Variants in THRAP3 observed in about 807,000 individuals in gnomAD.
THRAP3 encodes the protein thyroid hormone receptor-associated protein 3.
Under a neutral mutation model 101.0 loss-of-function variants are expected in THRAP3, and 16 were observed. The observed-to-expected ratio is 0.16, with a 90% CI of 0.11 to 0.24. The LOEUF is 0.24. Ranked by LOEUF, THRAP3 falls within the 10% of genes least tolerant of loss-of-function variation. The pLI is 1.00. For missense variants in THRAP3, 989 were observed against 1,202.7 expected (o/e 0.82, Z 2.63); for synonymous variants, 407 against 422.6 (o/e 0.96, Z 0.45).
chr1:36,248,877 C>T (rs1557816507), intron 1 of THRAP3, among the ~76,000 whole-genome samples: 1 of 151,848 alleles, frequency 6.6e-6, no homozygotes, highest in African/African-American at 2.4e-5. Flanking sequence ...AAATATAAGG[C>T]ACAGTCCCTA....
intron 7 of THRAP3, among the ~76,000 whole-genome samples, chr1:36,293,028 C>CTTT (rs71053920): frequency 1.2e-5 from 1 of 82,798 alleles, no homozygotes; most frequent in Non-Finnish European, 2.2e-5. Context: ...CTTTTCTTGT[C>CTTT]TTTTTTTTTT....
chr1:36,276,956 T>C (rs1286971568), intron 2 of THRAP3, among the ~76,000 whole-genome samples: 1 of 152,168 alleles, frequency 6.6e-6, no homozygotes, highest in Non-Finnish European at 1.5e-5. Flanking sequence ...ATCCACACTT[T>C]TTTTAATTTT....
chr1:36,231,162 C>G lies in THRAP3; in HGVS notation c.-135+6657C>G, dbSNP rs1220447005. Among the ~76,000 whole-genome samples, 4 of 150,964 alleles carry G rather than the reference C, an allele frequency of 2.6e-5. No homozygotes were observed. The South Asian group carries it at 6.2e-4, about 24-fold the overall frequency. On this transcript the variant is annotated intron_variant, in intron 1 of 11. Coordinates refer to ENST00000354618, the MANE Select transcript of THRAP3 (RefSeq NM_005119.4). Reference sequence around the variant, plus strand: ...TTACATTATCATTGACCTTTTTTTTCTGTCTTGGTACCTTATATCCTTCGT... The same window carrying G: ...TTACATTATCATTGACCTTTTTTTTGTGTCTTGGTACCTTATATCCTTCGT...
intron 1 of THRAP3, among the ~76,000 whole-genome samples, chr1:36,255,048 T>C (rs1645355311): frequency 6.6e-6 from 1 of 152,210 alleles, no homozygotes; most frequent in Non-Finnish European, 1.5e-5. Flanking sequence ...TGGTAAAAAC[T>C]AAAGGTTTAT....
intron 2 of THRAP3, among the ~76,000 whole-genome samples, chr1:36,260,449 T>G (rs1645430846): frequency 6.6e-6 from 1 of 152,122 alleles, no homozygotes; most frequent in Admixed American, 6.6e-5. Context: ...TTACAGTGTT[T>G]GTTATTATTT....
chr1:36,230,037 C>T (rs1383467484), intron 1 of THRAP3, among the ~76,000 whole-genome samples: 3 of 149,368 alleles, frequency 2.0e-5, no homozygotes, highest in Non-Finnish European at 3.0e-5. Flanking sequence ...TCACTGCAAC[C>T]TCCACCTCCT....
At chr1:36,227,534 G>A (rs547758955) in intron 1 of THRAP3, among the ~76,000 whole-genome samples, 3 of 152,076 alleles carry the variant, frequency 2.0e-5, no homozygotes, top group Admixed American at 2.0e-4. Context: ...CGCCTGCCTC[G>A]GCCTCCCAAA....
rs1407101605 is a variant in THRAP3, at chr1:36,304,843, T to C, written c.*826T>C. The C allele has an allele frequency of 9.7e-6, 2 of 206,736 alleles. No individual in the cohort carries two copies. Among genetic ancestry groups the C allele is most frequent in the African/African-American group, 4.6e-5 (2 of 43,860 alleles). The allele number at this position is 206,736 out of a possible 1,614,324, so 12.8% of individuals were successfully genotyped here. On this transcript the variant is annotated 3_prime_UTR_variant, in exon 12 of 12. Coordinates refer to ENST00000354618, the MANE Select transcript of THRAP3 (RefSeq NM_005119.4). ...GGGGTGGAAACTGGAGGGCAGTGTCTGGTCTGTTTTCTAAGAAACTTATGA... is the reference window on the plus strand; with the variant it reads ...GGGGTGGAAACTGGAGGGCAGTGTCCGGTCTGTTTTCTAAGAAACTTATGA...
At chr1:36,230,285 AT>A (rs1489306568) in intron 1 of THRAP3, among the ~76,000 whole-genome samples, 1 of 151,210 alleles carries the variant, frequency 6.6e-6, no homozygotes, top group Non-Finnish European at 1.5e-5. Flanking sequence ...TGCCCGGCTA[AT>A]TTTGTATTTT....
chr1:36,297,671 CCGACCT>C (rs1178524311), intron 9 of THRAP3, among the ~76,000 whole-genome samples: 1 of 151,192 alleles, frequency 6.6e-6, no homozygotes, highest in East Asian at 2.0e-4. Flanking sequence ...TCTTGAACTC[CCGACCT>C]CATGATTCAC....
chr1:36,241,577 AT>A lies in THRAP3; in HGVS notation c.-135+17091del, dbSNP rs562173564. Among the ~76,000 whole-genome samples, 717 of 133,458 alleles carry A rather than the reference AT, an allele frequency of 5.4e-3. 4 individuals are homozygous for A. Among genetic ancestry groups the A allele is most frequent in the Admixed American group, 0.013 (171 of 13,150 alleles). The allele number at this position is 133,458 out of a possible 152,430, so 87.6% of individuals were successfully genotyped here. On this transcript the variant is annotated intron_variant, in intron 1 of 11. Coordinates refer to ENST00000354618, the MANE Select transcript of THRAP3 (RefSeq NM_005119.4). ...TGACTGAAGTTTAAGATCCGCTAAA[AT>A]TTTTTTTTTTTTTTTTTTCAGACAG...
intron 2 of THRAP3, among the ~76,000 whole-genome samples, chr1:36,271,614 T>C (rs1278891262): frequency 0.01 from 800 of 76,554 alleles, 4 homozygotes; most frequent in Non-Finnish European, 0.018. Flanking sequence ...TTTTTTTTTT[T>C]GAGATGCAGT....
Position 36,239,644 on chromosome 1 carries a change from A to G in THRAP3, c.-135+15139A>G, listed in dbSNP as rs545418802. Among the ~76,000 whole-genome samples, 26 of 152,268 alleles carry G rather than the reference A, an allele frequency of 1.7e-4. No individual in the cohort carries two copies. The South Asian group carries it at 5.2e-3, about 30-fold the overall frequency. Reference sequence around the variant, plus strand: ...TGGGTAGGTTAATCACTCTGTATCAAGTGTATTCTAGCAGGGATGGCAATA... The same window carrying G: ...TGGGTAGGTTAATCACTCTGTATCAGGTGTATTCTAGCAGGGATGGCAATA... On this transcript the variant is annotated intron_variant, in intron 1 of 11. Transcript: ENST00000354618.
intron 6 of THRAP3, among the ~76,000 whole-genome samples, chr1:36,292,272 T>C (rs1178044260): frequency 9.8e-6 from 1 of 102,088 alleles, no homozygotes; most frequent in African/African-American, 3.7e-5. Flanking sequence ...TTCTTTTTTT[T>C]TTTTTTTTTT....
In THRAP3 at chr1:36,276,780, C is replaced by G. The variant is rs555071772; in HGVS notation, c.-31-5753C>G. Among the ~76,000 whole-genome samples, 8 of 151,604 alleles carry G rather than the reference C, an allele frequency of 5.3e-5. No homozygotes were observed. The East Asian group carries it at 1.6e-3, about 30-fold the overall frequency. On this transcript the variant is annotated intron_variant, in intron 2 of 11. Transcript: ENST00000354618. ...GCTGAGGCAAGAGAATCACTTGAAC[C>G]GGGGAGGTGGAGGCTGCAGTGAGCC...
chr1:36,237,980 C>T (rs1160781242), intron 1 of THRAP3, among the ~76,000 whole-genome samples: 1 of 152,056 alleles, frequency 6.6e-6, no homozygotes, highest in African/African-American at 2.4e-5. Context: ...TACCACCATG[C>T]CTGGTGATTT....
At chr1:36,292,256 CTTTGTTTCTTTTTTTT>C (rs1205408246) in intron 6 of THRAP3, among the ~76,000 whole-genome samples, 825 of 54,548 alleles carry the variant, frequency 0.015, 37 homozygotes, top group African/African-American at 0.044. Flanking sequence ...TAATGTGTTT[CTTTGTTTCTTTTTTTT>C]TTTTTTTTTT....
intron 4 of THRAP3, chr1:36,287,612 G>C: frequency 1.0e-6 from 1 of 985,408 alleles, no homozygotes; most frequent in Non-Finnish European, 1.2e-6. Flanking sequence ...TTGCCAAAAT[G>C]AATGGCCATT....
At chr1:36,290,517 G>A (rs1161604555) in intron 5 of THRAP3, among the ~76,000 whole-genome samples, 1 of 151,926 alleles carries the variant, frequency 6.6e-6, no homozygotes, top group African/African-American at 2.4e-5. Flanking sequence ...CCAGGCTGGC[G>A]TGCAGTGGTG....
Sources: allele counts gnomAD v4.1 joint callset (sites outside exome capture counted in the v4.1 genomes callset), GRCh38; gene constraint gnomAD v4.1.1; transcripts MANE v1.5; gene names NCBI Gene and HGNC (gene_info 2026-07-23, HGNC 2026-07-21).